TYW1B: variants seen among roughly 807,000 people sequenced by gnomAD.
The protein encoded by TYW1B is tRNA-yW synthesizing protein 1 homolog B.
TYW1B carries 73 observed loss-of-function variants against 86.9 expected under a neutral mutation model. That is an observed-to-expected ratio of 0.84 (90% CI 0.70 to 1.02). The LOEUF (loss-of-function observed/expected upper bound fraction) is 1.02, where lower values mean the gene tolerates loss of function less well. Among genes scored for constraint, TYW1B ranks in the 50% least tolerant of loss-of-function variants. The probability of loss-of-function intolerance (pLI) is 0.00; values close to 1 mark genes in which losing one functional copy is unlikely to be tolerated. For missense variants in TYW1B, 637 were observed against 827.4 expected, an observed-to-expected ratio of 0.77 and a Z score of 2.82; for synonymous variants, 248 against 292.8, an observed-to-expected ratio of 0.85 and a Z score of 1.56.
intron 11 of TYW1B, among the ~76,000 whole-genome samples, chr7:72,662,789 C>T (rs1202958195): frequency 6.6e-6 from 1 of 152,050 alleles, no homozygotes; most frequent in Non-Finnish European, 1.5e-5. Flanking sequence ...TTCTTATGGA[C>T]CCACATCAGA....
rs1563038781 is a variant in TYW1B, at chr7:72,632,402, T to TATACGTATATATATATA, written c.1507-3406_1507-3405insTATATATATATACGTAT. On this transcript the variant is annotated intron_variant, in intron 11 of 13. Transcript: ENST00000620995. ...TATATATATACGTATATATATATAATATATATATACATATATATATAAAAT... is the reference window on the plus strand; with the variant it reads ...TATATATATACGTATATATATATAATATACGTATATATATATAATATATATACATATATATATAAAAT... Among the ~76,000 whole-genome samples the TATACGTATATATATATA allele has an allele frequency of 5.0e-4, 40 of 79,684 alleles. 1 individual carries two copies. Among genetic ancestry groups the TATACGTATATATATATA allele is most frequent in the Admixed American group, 4.6e-3 (32 of 6,930 alleles). The allele number at this position is 79,684 out of a possible 152,430, so 52.3% of individuals were successfully genotyped here.
At chr7:72,643,963 T>C (rs1554441761) in intron 11 of TYW1B, among the ~76,000 whole-genome samples, 1 of 152,096 alleles carries the variant, frequency 6.6e-6, no homozygotes, top group Non-Finnish European at 1.5e-5. Context: ...CAGTTCAGCA[T>C]CTCTCATGAA....
chr7:72,610,749 C>T (rs1327275600), intron 13 of TYW1B, among the ~76,000 whole-genome samples: 1 of 152,192 alleles, frequency 6.6e-6, no homozygotes, highest in Admixed American at 6.6e-5. Flanking sequence ...GTAGCCAAGA[C>T]TACAGGCACA....
chr7:72,812,736 C>T (rs1337970217), intron 3 of TYW1B, among the ~76,000 whole-genome samples: 36 of 150,712 alleles, frequency 2.4e-4, no homozygotes, highest in African/African-American at 8.3e-4. Flanking sequence ...GTCTCACTCA[C>T]CCAGGCTGGA....
At chr7:72,722,340 G>C (rs1165387104) in intron 9 of TYW1B, among the ~76,000 whole-genome samples, 1 of 152,158 alleles carries the variant, frequency 6.6e-6, no homozygotes, top group Admixed American at 6.6e-5. Flanking sequence ...TTAGTACTGA[G>C]GACGTTCCTG....
intron 6 of TYW1B, 72 bp downstream of exon 6, chr7:72,802,328 A>C (rs1397808085): frequency 6.3e-7 from 1 of 1,586,006 alleles, no homozygotes; most frequent in African/African-American, 1.3e-5. Context: ...GATGGACTAC[A>C]CAGTAATAAA....
chr7:72,670,625 A>C (rs1554446206), intron 11 of TYW1B, among the ~76,000 whole-genome samples: 1 of 152,214 alleles, frequency 6.6e-6, no homozygotes, highest in African/African-American at 2.4e-5. Flanking sequence ...CTGGGAGTCA[A>C]ACACTCGCAT....
chr7:72,808,288 A>T (rs1788533819), intron 4 of TYW1B, among the ~76,000 whole-genome samples: 1 of 151,856 alleles, frequency 6.6e-6, no homozygotes, highest in African/African-American at 2.4e-5. Context: ...CCATCTCTAC[A>T]AAAAATACAA....
chr7:72,705,094 T>C (rs1585916704), intron 10 of TYW1B, among the ~76,000 whole-genome samples: 1 of 152,190 alleles, frequency 6.6e-6, no homozygotes, highest in Non-Finnish European at 1.5e-5. Context: ...TCAGGCAGTA[T>C]TTACCTCTAT....
intron 10 of TYW1B, among the ~76,000 whole-genome samples, chr7:72,713,232 C>T (rs1264388428): frequency 2.3e-5 from 3 of 130,532 alleles, no homozygotes; most frequent in Non-Finnish European, 3.1e-5. Flanking sequence ...ACCTAGGAGG[C>T]GGAGGTAGCA....
chr7:72,679,196 T>C (rs1250100340), intron 11 of TYW1B, among the ~76,000 whole-genome samples: 2 of 152,218 alleles, frequency 1.3e-5, no homozygotes, highest in African/African-American at 2.4e-5. Context: ...AGTATAATCA[T>C]GTAGGACAGG....
intron 11 of TYW1B, among the ~76,000 whole-genome samples, chr7:72,687,260 ACC>A (rs1814029696): frequency 6.6e-6 from 1 of 152,080 alleles, no homozygotes; most frequent in Non-Finnish European, 1.5e-5. Context: ...AACTGGTGAA[ACC>A]CCATCTCTAC....
intron 12 of TYW1B, among the ~76,000 whole-genome samples, chr7:72,625,719 T>G (rs1812327822): frequency 6.6e-6 from 1 of 152,076 alleles, no homozygotes; most frequent in African/African-American, 2.4e-5. Context: ...CTTTATCTAT[T>G]TCCTAGTGAT....
intron 10 of TYW1B, among the ~76,000 whole-genome samples, chr7:72,707,789 A>G (rs554116491): frequency 3.3e-5 from 5 of 152,168 alleles, no homozygotes; most frequent in African/African-American, 1.2e-4. Context: ...GTCCCCACCC[A>G]AATCTCATGT....
intron 4 of TYW1B, among the ~76,000 whole-genome samples, chr7:72,809,666 T>A (rs1337556265): frequency 2.1e-5 from 2 of 94,792 alleles, no homozygotes; most frequent in African/African-American, 6.6e-5. Context: ...AAAATAAACA[T>A]AATTAAAAAA....
intron 6 of TYW1B, among the ~76,000 whole-genome samples, chr7:72,780,758 G>A (rs1332971338): frequency 2.0e-5 from 3 of 152,100 alleles, no homozygotes; most frequent in Non-Finnish European, 2.9e-5. Flanking sequence ...TCCCTCTAAG[G>A]CAGCTCACTC....
chr7:72,713,300 C>CAA (rs71069102), intron 10 of TYW1B, among the ~76,000 whole-genome samples: 108 of 55,814 alleles, frequency 1.9e-3, no homozygotes, highest in African/African-American at 2.3e-3. Context: ...GACTCCAACT[C>CAA]AAAAAAAAAA....
At chr7:72,823,899 T>G (rs11761025) in intron 2 of TYW1B, among the ~76,000 whole-genome samples, 20 of 151,684 alleles carry the variant, frequency 1.3e-4, no homozygotes, top group Admixed American at 6.6e-4. Context: ...ATTTCATTAT[T>G]AACTTTCTGT....
At chr7:72,705,602 G>A in intron 10 of TYW1B, among the ~76,000 whole-genome samples, 1 of 152,272 alleles carries the variant, frequency 6.6e-6, no homozygotes, top group East Asian at 1.9e-4. Context: ...TTAAAATAAT[G>A]TAAAATAGAT....
Sources: gnomAD v4.1 joint callset for allele counts (sites outside exome capture counted in the v4.1 genomes callset) on GRCh38, gnomAD v4.1.1 for gene constraint, MANE v1.5 for transcripts, NCBI Gene and HGNC (gene_info 2026-07-23, HGNC 2026-07-21) for gene names.